PKD1: variants seen among roughly 807,000 people sequenced by gnomAD.
The protein encoded by PKD1 is polycystin 1, transient receptor potential channel interacting, also known as polycystin-1.
A neutral mutation model predicts 361.7 loss-of-function variants in PKD1; 81 were observed. The ratio of observed to expected loss-of-function variants is 0.22; its 90% CI spans 0.19 to 0.27. The LOEUF (loss-of-function observed/expected upper bound fraction) is 0.27. Among genes scored for constraint, PKD1 ranks in the 10% least tolerant of loss-of-function variants. The pLI, the probability that PKD1 is intolerant of heterozygous loss-of-function variation, is 1.00. For missense variants in PKD1, 6,399 were observed against 6,118.3 expected, an observed-to-expected ratio of 1.05 and a Z score of -1.53; for synonymous variants, 3,615 against 2,818.3, an observed-to-expected ratio of 1.28 and a Z score of -8.95.
rs773654243 is a variant in PKD1 at position 2,105,467 on chromosome 16, C to G, written c.7871G>C (p.Arg2624Pro). 1.8e-5 allele frequency: 29 copies of G among 1,594,752 alleles called. 1 individual carries two copies. Among genetic ancestry groups the G allele is most frequent in the South Asian group, 4.4e-5 (4 of 90,982 alleles). ...GGGCTCTGCCGCCACGTCCAGGGCC[C>G]GCTCGTACTGGGGCAGGCAGGGGGC... ...ALVTVLNEYE[R>P]ALDVAAEPKH... The change falls in exon 21 of 46, where the codon CGG (arginine) becomes CCG (proline). Residue 2624 changes from arginine (R) to proline (P), a missense_variant. Arg to Pro is a moderately radical substitution (Grantham distance 103, BLOSUM62 -2). Transcript: ENST00000262304.
rs1236088724 is a variant in PKD1 at position 2,110,383 on chromosome 16, G to A, written c.4784C>T (p.Pro1595Leu). 9 of 1,612,626 alleles carry A rather than the reference G, an allele frequency of 5.6e-6. No individual in the cohort carries two copies. The highest frequency in any genetic ancestry group is 7.6e-6 in the Non-Finnish European group (9 of 1,179,860). Residue 1595 changes from proline to leucine, a missense_variant, in exon 15 of 46, where the codon CCT becomes CTT. Coordinates refer to ENST00000262304, the MANE Select transcript of PKD1 (RefSeq NM_001009944.3). ...GGAGCGGAAGGTGTAAGAGATGGTA[G>A]GACCCCCAGGGATGGGCGTGCAGCG... is the stretch of plus-strand genomic sequence containing the variant. ...CDRCTPIPGG[P>L]TISYTFRSVG...
At position 2,091,031 on chromosome 16, in the gene PKD1, G is replaced by A; in HGVS notation, c.11856C>T (p.Arg3952=). ...GGTCAGCGGCACCCAGCTGGGCGAG[G>A]CGTACCAGTGCCGTGGCCGCCGTCA... The part of the protein sequence containing the change: ...VALTAATALV[R]LAQLGAADRQ... Residue 3952 remains arginine, a synonymous_variant, in exon 43 of 46, where the codon CGC becomes CGT. Transcript: ENST00000262304. 1 of 1,530,442 alleles carries A rather than the reference G, an allele frequency of 6.5e-7. No individual in the cohort carries two copies. Among genetic ancestry groups the A allele is most frequent in the Non-Finnish European group, 8.7e-7 (1 of 1,143,956 alleles). The allele number at this position is 1,530,442 out of a possible 1,614,324, so 94.8% of individuals were successfully genotyped here. A position where few individuals can be genotyped will look rare whatever the true frequency, so the allele number is the denominator to read the frequency against.
At chr16:2,121,788 C>T (rs938961859) in intron 1 of PKD1, among the ~76,000 whole-genome samples, 1 of 152,222 alleles carries the variant, frequency 6.6e-6, no homozygotes, top group Non-Finnish European at 1.5e-5. Context: ...CCCCCCTGCT[C>T]CCCAGGACCC....
Position 2,102,586 on chromosome 16 carries a change from A to T in PKD1, c.8996T>A (p.Phe2999Tyr). The T allele has an allele frequency of 6.2e-7, 1 of 1,611,154 alleles. No homozygotes were observed. The highest frequency in any genetic ancestry group is 2.2e-5 in the East Asian group (1 of 44,884). The change falls in exon 25 of 46, where the codon TTC becomes TAC. Residue 2999 changes from phenylalanine to tyrosine, a missense_variant. Phe to Tyr is a conservative substitution (Grantham distance 22). Coordinates refer to ENST00000262304, the MANE Select transcript of PKD1 (RefSeq NM_001009944.3). ...GGACACCTGCAGCGCCGACCAGCGG[A>T]AGTGGCTGGAGAGGTTCAGATGGTA... ...GSYHLNLSSH[F>Y]RWSALQVSVG...
In PKD1 at chr16:2,097,721, A is replaced by C. The variant is rs1365256917; in HGVS notation, c.10220+7T>G. ...ACCAGGGCTCGAGGTTTCTCTAGGG[A>C]ACCCACCTCTTAGAATCATCCAGAA... On this transcript the variant is annotated splice_region_variant and intron_variant, in intron 32 of 45. Transcript: ENST00000262304. 5.0e-6 allele frequency: 8 copies of C among 1,610,916 alleles called. No individual in the cohort carries two copies. The highest frequency in any genetic ancestry group is 1.7e-5 in the Admixed American group (1 of 59,994).
In PKD1 at chr16:2,109,335, T is replaced by G; in HGVS notation, c.5832A>C (p.Gly1944=). The G allele has an allele frequency of 6.3e-7, 1 of 1,590,536 alleles. No homozygotes were observed. The highest frequency in any genetic ancestry group is 8.5e-7 in the Non-Finnish European group (1 of 1,172,632). ...PRFSHSFPRV[G]DHVVSVRGKN... Reference sequence around the variant, plus strand: ...TGCCCCGCACGCTCACCACGTGGTCTCCGACGCGGGGGAAGCTGTGGGAGA... The same window carrying G: ...TGCCCCGCACGCTCACCACGTGGTCGCCGACGCGGGGGAAGCTGTGGGAGA... Residue 1944 remains glycine, a synonymous_variant, in exon 15 of 46, where the codon GGA becomes GGC. Transcript: ENST00000262304.
At position 2,114,629 on chromosome 16, in the gene PKD1, G is replaced by A; in HGVS notation, c.2394C>T (p.Val798=). The A allele has an allele frequency of 6.4e-7, 1 of 1,571,266 alleles. No homozygotes were observed. Among genetic ancestry groups the A allele is most frequent in the South Asian group, 1.1e-5 (1 of 87,492 alleles). ...ACACGCCATTGCCCACCTCTGCCCGGACCTCATAGCGCCCAGGCAGCCGCA... is the reference window on the plus strand; with the variant it reads ...ACACGCCATTGCCCACCTCTGCCCGAACCTCATAGCGCCCAGGCAGCCGCA... ...PGLRLPGRYE[V]RAEVGNGVSR... Residue 798 remains valine, a synonymous_variant, in exon 11 of 46, where the codon GTC becomes GTT. Coordinates refer to ENST00000262304, the MANE Select transcript of PKD1 (RefSeq NM_001009944.3).
At position 2,088,744 on chromosome 16, in the gene PKD1, T is replaced by G; in HGVS notation, c.*983A>C. 1 of 1,281,130 alleles carries G rather than the reference T, an allele frequency of 7.8e-7. No homozygotes were observed. Among genetic ancestry groups the G allele is most frequent in the Non-Finnish European group, 1.1e-6 (1 of 934,958 alleles). The allele number at this position is 1,281,130 out of a possible 1,614,324, so 79.4% of individuals were successfully genotyped here. ...CAGCTCTTTTATTGACTTTGTCTGCTTGGTGCGGGGGTTGGGGGGGTGTCG... is the reference window on the plus strand; with the variant it reads ...CAGCTCTTTTATTGACTTTGTCTGCGTGGTGCGGGGGTTGGGGGGGTGTCG... On this transcript the variant is annotated 3_prime_UTR_variant, in exon 46 of 46. Coordinates refer to ENST00000262304, the MANE Select transcript of PKD1 (RefSeq NM_001009944.3).
At chr16:2,125,990 T>C (rs562352250) in intron 1 of PKD1, among the ~76,000 whole-genome samples, 1 of 147,874 alleles carries the variant, frequency 6.8e-6, no homozygotes, top group Non-Finnish European at 1.5e-5. Flanking sequence ...GAAGCCAAGG[T>C]AGGAAGAGGA....
At position 2,091,564 on chromosome 16, in the gene PKD1, G is replaced by A. The variant is rs1458658720; in HGVS notation, c.11571C>T (p.Tyr3857=). 3 of 1,544,318 alleles carry A rather than the reference G, an allele frequency of 1.9e-6. No individual in the cohort carries two copies. The highest frequency in any genetic ancestry group is 2.6e-6 in the Non-Finnish European group (3 of 1,156,044). ...SRAVFLELTR[Y]SPAVGLHAAV... Reference sequence around the variant, plus strand: ...CGGCGTGCAGCCCCACGGCCGGGCTGTAGCGCGTGAGCTCCAGGAACACAG... The same window carrying A: ...CGGCGTGCAGCCCCACGGCCGGGCTATAGCGCGTGAGCTCCAGGAACACAG... The change falls in exon 42 of 46, where the codon TAC becomes TAT. Residue 3857 remains tyrosine, a synonymous_variant. Coordinates refer to ENST00000262304, the MANE Select transcript of PKD1 (RefSeq NM_001009944.3).
At chr16:2,107,281 C>T (rs548257553) in intron 16 of PKD1, 219 of 413,736 alleles carry the variant, frequency 5.3e-4, no homozygotes, top group African/African-American at 4.2e-3. Context: ...CCGCAGCTGC[C>T]ACGTAGGCCT....
chr16:2,095,988 G>A (rs989254517), intron 34 of PKD1, among the ~76,000 whole-genome samples: 1 of 152,196 alleles, frequency 6.6e-6, no homozygotes, highest in Non-Finnish European at 1.5e-5. Context: ...TTGTAAATCA[G>A]GAAGTTTTCC....
At chr16:2,092,658 C>A (rs2091650611) in intron 38 of PKD1, 66 bp from the exon 39 acceptor site, 2 of 1,143,836 alleles carry the variant, frequency 1.7e-6, no homozygotes, top group Admixed American at 1.9e-5. Flanking sequence ...TGAGCGGCCA[C>A]CAGAGACCCA....
rs377725958 is a variant in PKD1, at chr16:2,112,869, A to C, written c.3080T>G (p.Val1027Gly). The C allele has an allele frequency of 3.7e-6, 6 of 1,606,612 alleles. No individual in the cohort carries two copies. In the East Asian group the frequency reaches 8.9e-5, roughly 24 times the overall value. ...GGCATTGGGGGACAGCACGGCCGGCACTGTGGAGACCTGCAGACCCTGCAT... is the reference window on the plus strand; with the variant it reads ...GGCATTGGGGGACAGCACGGCCGGCCCTGTGGAGACCTGCAGACCCTGCAT... ...NRMQGLQVSTVPAVLSPNATL... is the reference protein window; with the variant it reads ...NRMQGLQVSTGPAVLSPNATL... Residue 1027 changes from valine (V) to glycine (G), a missense_variant, in exon 13 of 46, where the codon GTG becomes GGG. Transcript: ENST00000262304.
At chr16:2,098,038 G>A in intron 30 of PKD1, 54 bp from the exon 31 acceptor site, 1 of 921,578 alleles carries the variant, frequency 1.1e-6, no homozygotes, top group Non-Finnish European at 1.8e-6. Flanking sequence ...GCTCAGGACA[G>A]GGATGAGAAG....
Position 2,109,284 on chromosome 16 carries a change from C to T in PKD1, c.5883G>A (p.Ala1961=), listed in dbSNP as rs765610022. The T allele has an allele frequency of 1.8e-5, 28 of 1,583,252 alleles. No individual in the cohort carries two copies. Among genetic ancestry groups the T allele is most frequent in the South Asian group, 2.2e-5 (2 of 89,428 alleles). Reference sequence around the variant, plus strand: ...CCTCCAGCACCACGATGCGCACCTGCGCCTGGGCCCAGCTCACGTGGTTTT... The same window carrying T: ...CCTCCAGCACCACGATGCGCACCTGTGCCTGGGCCCAGCTCACGTGGTTTT... ...RGKNHVSWAQ[A]QVRIVVLEAV... is the part of the protein sequence containing the mutation. The change falls in exon 15 of 46, where the codon GCG becomes GCA. Residue 1961 remains alanine, a synonymous_variant. Coordinates refer to ENST00000262304, the MANE Select transcript of PKD1 (RefSeq NM_001009944.3).
chr16:2,110,266 C>T lies in PKD1; in HGVS notation c.4901G>A (p.Gly1634Glu), dbSNP rs768244952. ...IFVYVLQLIE[G>E]LQVVGGGRYF... is the part of the protein sequence containing the mutation. ...GCGGCCACCGCCCACCACCTGCAGCCCCTCTATGAGCTGCAGGACATAGAC... is the reference window on the plus strand; with the variant it reads ...GCGGCCACCGCCCACCACCTGCAGCTCCTCTATGAGCTGCAGGACATAGAC... The change falls in exon 15 of 46, where the codon GGG becomes GAG. Residue 1634 changes from glycine to glutamate, a missense_variant. Physicochemically the swap from Gly to Glu is moderately conservative, Grantham distance 98 (BLOSUM62 -2). Transcript: ENST00000262304. 6.2e-7 allele frequency: 1 copy of T among 1,611,782 alleles called. No individual in the cohort carries two copies. The highest frequency in any genetic ancestry group is 8.5e-7 in the Non-Finnish European group (1 of 1,179,096).
rs1320066659 is a variant in PKD1 at position 2,089,471 on chromosome 16, TAGCATCTCAGAGGCTA to T, written c.*240_*255del. On this transcript the variant is annotated 3_prime_UTR_variant, in exon 46 of 46. Transcript: ENST00000262304. ...TACCTGAGGACTCGGGGAAATAAAT[TAGCATCTCAGAGGCTA>T]GAAACCGTCCAATACTGCTGTGTCC... 1.6e-5 allele frequency: 9 copies of T among 553,864 alleles called. No homozygotes were observed. Among genetic ancestry groups the T allele is most frequent in the Non-Finnish European group, 2.6e-5 (8 of 310,636 alleles). The allele number at this position is 553,864 out of a possible 1,614,324, so 34.3% of individuals were successfully genotyped here. A position where few individuals can be genotyped will look rare whatever the true frequency, so the allele number is the denominator to read the frequency against.
chr16:2,132,449 A>G (rs2092896269), intron 1 of PKD1, among the ~76,000 whole-genome samples: 2 of 147,140 alleles, frequency 1.4e-5, no homozygotes, highest in Admixed American at 6.8e-5. Context: ...ATGCCTGTAA[A>G]CCCAGCTACC....
Sources: allele counts gnomAD v4.1 joint callset (sites outside exome capture counted in the v4.1 genomes callset), GRCh38; gene constraint gnomAD v4.1.1; transcripts MANE v1.5; gene names NCBI Gene and HGNC (gene_info 2026-07-23, HGNC 2026-07-21).